MAP2K5: variants seen among roughly 807,000 people sequenced by gnomAD.
The protein encoded by MAP2K5 is mitogen-activated protein kinase kinase 5.
MAP2K5 carries 49 observed loss-of-function variants against 83.1 expected under a neutral mutation model. The ratio of observed to expected loss-of-function variants is 0.59; its 90% CI spans 0.47 to 0.75. The LOEUF is 0.75. MAP2K5 is among the 30% of genes least tolerant of loss of function. The probability of loss-of-function intolerance (pLI) is 0.00; values close to 1 mark genes in which losing one functional copy is unlikely to be tolerated. For missense variants in MAP2K5, 457 were observed against 557.5 expected, an observed-to-expected ratio of 0.82 and a Z score of 1.82; for synonymous variants, 202 against 191.8, an observed-to-expected ratio of 1.05 and a Z score of -0.44.
intron 13 of MAP2K5, among the ~76,000 whole-genome samples, chr15:67,673,567 A>G (rs1043211910): frequency 1.3e-5 from 2 of 152,174 alleles, no homozygotes; most frequent in African/African-American, 4.8e-5. Context: ...ATAGTATGTT[A>G]GTGTGTGTAA....
chr15:67,730,110 C>T (rs929230978), intron 17 of MAP2K5, among the ~76,000 whole-genome samples: 1 of 152,118 alleles, frequency 6.6e-6, no homozygotes, highest in African/African-American at 2.4e-5. Context: ...TGGGGTGCGT[C>T]GTTGCTAGAA....
intron 21 of MAP2K5, among the ~76,000 whole-genome samples, chr15:67,798,362 C>T (rs11856999): frequency 0.11 from 16,427 of 152,262 alleles, 1,185 homozygotes; most frequent in Middle Eastern, 0.16. Context: ...TTAAACAGGC[C>T]AGTGGCACAA....
rs2090260713 is a variant in MAP2K5 at position 67,777,531 on chromosome 15, G to A, written c.1242+4779G>A. On this transcript the variant is annotated intron_variant, in intron 21 of 21. Coordinates refer to ENST00000178640, the MANE Select transcript of MAP2K5 (RefSeq NM_145160.3). This position sits in a 1 kb window ranked among gnomAD's most constrained non-coding sequence, Gnocchi z 6.0. ...CTCCTTTGTAGCATGCACTTCGGCT[G>A]TGGTAAAAGTACGTATCACATACAT... Among the ~76,000 whole-genome samples, 1 of 152,196 alleles carries A rather than the reference G, an allele frequency of 6.6e-6. No homozygotes were observed. The highest frequency in any genetic ancestry group is 1.5e-5 in the Non-Finnish European group (1 of 68,036).
At chr15:67,694,427 A>G (rs1334236198) in intron 15 of MAP2K5, among the ~76,000 whole-genome samples, 1 of 152,122 alleles carries the variant, frequency 6.6e-6, no homozygotes, top group African/African-American at 2.4e-5. Context: ...TATGGATAAA[A>G]CCGTGGGTCT....
chr15:67,649,857 A>G (rs561350912), intron 11 of MAP2K5, among the ~76,000 whole-genome samples: 1 of 152,280 alleles, frequency 6.6e-6, no homozygotes, highest in African/African-American at 2.4e-5. Context: ...GAATTTTAGA[A>G]TCAGCTTGGC....
At chr15:67,579,576 G>A (rs1445769527) in intron 3 of MAP2K5, among the ~76,000 whole-genome samples, 1 of 152,116 alleles carries the variant, frequency 6.6e-6, no homozygotes, top group African/African-American at 2.4e-5. Flanking sequence ...ACTTTTATCA[G>A]TGTGTAGCTA....
In MAP2K5 at chr15:67,748,670, T is replaced by C; in HGVS notation, c.1134+69T>C. The C allele has an allele frequency of 6.7e-7, 1 of 1,482,332 alleles. No homozygotes were observed. Among genetic ancestry groups the C allele is most frequent in the Non-Finnish European group, 9.4e-7 (1 of 1,065,042 alleles). 91.8% of individuals were successfully genotyped at this position (1,482,332 alleles called of 1,614,324 possible). A position where few individuals can be genotyped will look rare whatever the true frequency, so the allele number is the denominator to read the frequency against. ...AATGGTGTGGAAAGCTTATATTTTG[T>C]TTCCTAATGAAGCACAATGCCCAAC... On this transcript the variant is annotated intron_variant, in intron 19 of 21. Transcript: ENST00000178640. This position sits in a 1 kb window ranked among gnomAD's most constrained non-coding sequence, Gnocchi z 4.0.
At chr15:67,633,408 T>G (rs923861562) in intron 9 of MAP2K5, among the ~76,000 whole-genome samples, 1 of 152,228 alleles carries the variant, frequency 6.6e-6, no homozygotes, top group African/African-American at 2.4e-5. Context: ...CCTTGCAAAG[T>G]ACATTATACA....
intron 13 of MAP2K5, among the ~76,000 whole-genome samples, chr15:67,686,663 A>G (rs1460346306): frequency 1.3e-5 from 2 of 151,868 alleles, no homozygotes; most frequent in African/African-American, 4.8e-5. Flanking sequence ...AGGGTTTATA[A>G]TTTATGAGAA....
chr15:67,571,107 C>T (rs2084939656), intron 3 of MAP2K5, among the ~76,000 whole-genome samples: 1 of 152,210 alleles, frequency 6.6e-6, no homozygotes, highest in Non-Finnish European at 1.5e-5. Context: ...TTCCTGTAAA[C>T]ATTTGTGCCC....
intron 17 of MAP2K5, among the ~76,000 whole-genome samples, chr15:67,739,445 T>C (rs2089425462): frequency 1.4e-4 from 2 of 14,638 alleles, no homozygotes; most frequent in East Asian, 2.6e-3. Context: ...TATATATATA[T>C]ATATATATAT....
chr15:67,710,013 T>G (rs2088651908), intron 16 of MAP2K5, among the ~76,000 whole-genome samples: 1 of 151,982 alleles, frequency 6.6e-6, no homozygotes, highest in Non-Finnish European at 1.5e-5. Flanking sequence ...TCTATAGGAG[T>G]CAGACTGAAA....
chr15:67,769,360 T>G lies in MAP2K5; in HGVS notation c.1135-242T>G, dbSNP rs1366605383. ...TCCTACCCTGTGGCTATCATTGTCC[T>G]TTTTTCACCTCCCCCTCTCTCAGCT... On this transcript the variant is annotated intron_variant, in intron 19 of 21. Coordinates refer to ENST00000178640, the MANE Select transcript of MAP2K5 (RefSeq NM_145160.3). This position sits in a 1 kb window ranked among gnomAD's most constrained non-coding sequence, Gnocchi z 5.2. Among the ~76,000 whole-genome samples, 1 of 152,218 alleles carries G rather than the reference T, an allele frequency of 6.6e-6. No individual in the cohort carries two copies. The highest frequency in any genetic ancestry group is 1.5e-5 in the Non-Finnish European group (1 of 68,038).
In MAP2K5 at chr15:67,768,629, G is replaced by A. The variant is rs1696074205; in HGVS notation, c.1135-973G>A. On this transcript the variant is annotated intron_variant, in intron 19 of 21. Transcript: ENST00000178640. The surrounding 1 kb of genome is among the most constrained non-coding windows in gnomAD (Gnocchi z 4.0). The stretch of plus-strand genomic sequence containing the variant: ...AGGGCACTTTGTGTAGGGATGTCAG[G>A]GAGGAAAAAAGCCGCCGAAAGGTAT... Among the ~76,000 whole-genome samples, 1 of 152,176 alleles carries A rather than the reference G, an allele frequency of 6.6e-6. No homozygotes were observed. Among genetic ancestry groups the A allele is most frequent in the Non-Finnish European group, 1.5e-5 (1 of 68,028 alleles).
intron 2 of MAP2K5, among the ~76,000 whole-genome samples, chr15:67,554,657 C>T (rs2084587804): frequency 1.3e-5 from 2 of 152,178 alleles, no homozygotes; most frequent in East Asian, 3.8e-4. Flanking sequence ...ACCCCTTCAA[C>T]CTGCCTTCTG....
chr15:67,700,239 T>C (rs1210832483), intron 15 of MAP2K5, among the ~76,000 whole-genome samples: 1 of 152,198 alleles, frequency 6.6e-6, no homozygotes, highest in African/African-American at 2.4e-5. Flanking sequence ...ATAGTGTGGG[T>C]GCCAGAAGGA....
In MAP2K5 at chr15:67,775,240, C is replaced by T. The variant is rs1303885677; in HGVS notation, c.1242+2488C>T. ...TAGACTTTGGAGACCATTAAAATATCAGTGTTAGAACTCATTTAGTTGTTT... is the reference window on the plus strand; with the variant it reads ...TAGACTTTGGAGACCATTAAAATATTAGTGTTAGAACTCATTTAGTTGTTT... On this transcript the variant is annotated intron_variant, in intron 21 of 21. Coordinates refer to ENST00000178640, the MANE Select transcript of MAP2K5 (RefSeq NM_145160.3). The surrounding 1 kb of genome is among the most constrained non-coding windows in gnomAD (Gnocchi z 5.3). Among the ~76,000 whole-genome samples the T allele has an allele frequency of 6.6e-6, 1 of 152,222 alleles. No homozygotes were observed. Among genetic ancestry groups the T allele is most frequent in the Non-Finnish European group, 1.5e-5 (1 of 68,044 alleles).
At chr15:67,589,199 A>G (rs1161916039) in intron 6 of MAP2K5, among the ~76,000 whole-genome samples, 1 of 152,170 alleles carries the variant, frequency 6.6e-6, no homozygotes, top group Non-Finnish European at 1.5e-5. Flanking sequence ...GAACATGCAG[A>G]TGAATGAAAT....
intron 16 of MAP2K5, among the ~76,000 whole-genome samples, chr15:67,709,058 G>A (rs1300416248): frequency 6.6e-6 from 1 of 152,204 alleles, no homozygotes; most frequent in Non-Finnish European, 1.5e-5. Flanking sequence ...ATGTATGGCA[G>A]TTTGACTTGA....
Sources: gnomAD v4.1 joint callset for allele counts (sites outside exome capture counted in the v4.1 genomes callset) on GRCh38, gnomAD v4.1.1 for gene constraint, Gnocchi (gnomAD v3.1) non-coding constraint, MANE v1.5 for transcripts, NCBI Gene and HGNC (gene_info 2026-07-23, HGNC 2026-07-21) for gene names.